ANO3: variants seen among roughly 807,000 people sequenced by gnomAD.
ANO3 encodes anoctamin-3.
In ANO3, 99 loss-of-function variants were observed where a neutral mutation model predicts 144.8. The observed-to-expected ratio is 0.68, with a 90% CI of 0.58 to 0.81. The LOEUF (loss-of-function observed/expected upper bound fraction) is 0.81. Among genes scored for constraint, ANO3 ranks in the 30% least tolerant of loss-of-function variants. The pLI is 0.00. For synonymous variants in ANO3, 414 were observed against 392.6 expected (o/e 1.05, Z -0.64); for missense variants, 905 against 1,202.2 (o/e 0.75, Z 3.66).
chr11:26,485,869 A>G (rs1860425498), intron 4 of ANO3, among the ~76,000 whole-genome samples: 1 of 152,184 alleles, frequency 6.6e-6, no homozygotes, highest in Non-Finnish European at 1.5e-5. Context: ...AAACTGAGAA[A>G]TTTCTGCACA....
chr11:26,313,369 A>G (rs1265468091), intron 1 of ANO3, among the ~76,000 whole-genome samples: 1 of 151,988 alleles, frequency 6.6e-6, no homozygotes, highest in Non-Finnish European at 1.5e-5. Context: ...AATTTCTTAG[A>G]GTCTCTTAAT....
chr11:26,559,976 C>A, intron 14 of ANO3, 197 bp downstream of exon 14: 1 of 445,226 alleles, frequency 2.2e-6, no homozygotes, highest in Non-Finnish European at 4.0e-6. Context: ...TTGATCTCAT[C>A]CTCTAATCTC....
intron 6 of ANO3, 113 bp downstream of exon 6, chr11:26,517,040 T>C (rs2134153293): frequency 1.9e-6 from 1 of 526,172 alleles, no homozygotes; most frequent in Non-Finnish European, 3.2e-6. Flanking sequence ...GCTTTTTCTT[T>C]CAAAATTTCA....
At chr11:26,350,461 T>G (rs1282397481) in intron 1 of ANO3, among the ~76,000 whole-genome samples, 1 of 152,230 alleles carries the variant, frequency 6.6e-6, no homozygotes, top group Non-Finnish European at 1.5e-5. Flanking sequence ...TTGAAAAACT[T>G]TGAAATTGTT....
At chr11:26,587,853 G>T (rs529103833) in intron 14 of ANO3, among the ~76,000 whole-genome samples, 61 of 151,574 alleles carry the variant, frequency 4.0e-4, no homozygotes, top group African/African-American at 1.5e-3. Flanking sequence ...CTACTCAGGA[G>T]GCTGAGGCAA....
chr11:26,236,426 C>T lies in ANO3; in HGVS notation c.154+47096C>T, dbSNP rs554046159. Among the ~76,000 whole-genome samples, 373 of 53,834 alleles carry T rather than the reference C, an allele frequency of 6.9e-3. 3 individuals carry two copies. The highest frequency in any genetic ancestry group is 0.014 in the African/African-American group (340 of 23,782). The allele number at this position is 53,834 out of a possible 152,430, so 35.3% of individuals were successfully genotyped here. ...GTGTTTTGTTTGCTTTTTTGGCCTC[C>T]AAACAGTTTGAAATAAAAGAATAAA... is the stretch of plus-strand genomic sequence containing the variant. On this transcript the variant is annotated intron_variant, in intron 1 of 27. Transcript: ENST00000672621.
At chr11:26,500,112 G>T (rs950336376) in intron 4 of ANO3, among the ~76,000 whole-genome samples, 9 of 152,050 alleles carry the variant, frequency 5.9e-5, no homozygotes, top group Admixed American at 3.9e-4. Context: ...TTTCAAAGTA[G>T]ACCTATGTTG....
intron 14 of ANO3, chr11:26,566,003 G>T: frequency 1.8e-6 from 2 of 1,115,220 alleles, no homozygotes; most frequent in Non-Finnish European, 2.4e-6. Flanking sequence ...ATATAGAGAT[G>T]GTAATATCAT....
At chr11:26,272,508 T>C (rs939802100) in intron 1 of ANO3, among the ~76,000 whole-genome samples, 3 of 152,180 alleles carry the variant, frequency 2.0e-5, no homozygotes, top group African/African-American at 4.8e-5. Flanking sequence ...GACTCTAATA[T>C]GATTCCAGAA....
chr11:26,338,609 T>G (rs1855259217), intron 1 of ANO3, among the ~76,000 whole-genome samples: 2 of 152,302 alleles, frequency 1.3e-5, no homozygotes, highest in Middle Eastern at 3.4e-3. Context: ...TGCTGCTCAG[T>G]CTTTGGGTCC....
At chr11:26,246,981 G>A (rs1446424985) in intron 1 of ANO3, among the ~76,000 whole-genome samples, 1 of 151,986 alleles carries the variant, frequency 6.6e-6, no homozygotes, top group African/African-American at 2.4e-5. Flanking sequence ...CATGAGAATG[G>A]ACTAAAACAA....
intron 1 of ANO3, among the ~76,000 whole-genome samples, chr11:26,339,435 G>A (rs1013674597): frequency 6.6e-6 from 1 of 152,136 alleles, no homozygotes; most frequent in East Asian, 1.9e-4. Flanking sequence ...AATTACAGGC[G>A]TGAACCACCG....
At chr11:26,197,450 GTGATTCTCC>G (rs1287528308) in intron 1 of ANO3, among the ~76,000 whole-genome samples, 1 of 152,102 alleles carries the variant, frequency 6.6e-6, no homozygotes, top group Non-Finnish European at 1.5e-5. Context: ...CCAGGTTCAA[GTGATTCTCC>G]TGCCTCAGCC....
Position 26,441,916 on chromosome 11 carries a change from A to G in ANO3, c.47-2A>G, listed in dbSNP as rs759239263. On this transcript the variant is annotated splice_acceptor_variant, in intron 1 of 26. Coordinates refer to ENST00000256737, the MANE Select transcript of ANO3 (RefSeq NM_031418.4). LOFTEE classifies it high-confidence loss of function. ...CTAAAACTCAACATTTTGGATTTGC[A>G]GGTATGAATATAAGCAAGAGTGAGA... 6.2e-7 allele frequency: 1 copy of G among 1,606,486 alleles called. No individual in the cohort carries two copies. The highest frequency in any genetic ancestry group is 8.5e-7 in the Non-Finnish European group (1 of 1,177,090).
At chr11:26,570,120 G>A (rs1213759506) in intron 14 of ANO3, among the ~76,000 whole-genome samples, 1 of 151,998 alleles carries the variant, frequency 6.6e-6, no homozygotes, top group African/African-American at 2.4e-5. Context: ...AAACTTTCCT[G>A]TATATATTAA....
intron 14 of ANO3, among the ~76,000 whole-genome samples, chr11:26,595,456 A>AT (rs1851581701): frequency 1.3e-5 from 1 of 78,038 alleles, no homozygotes; most frequent in Non-Finnish European, 2.3e-5. Context: ...ATTGAGATAG[A>AT]GTTGTTTTTT....
At chr11:26,422,062 T>C (rs72886205) in intron 1 of ANO3, among the ~76,000 whole-genome samples, 13,346 of 152,036 alleles carry the variant, frequency 0.088, 779 homozygotes, top group African/African-American at 0.17. Flanking sequence ...CAAGTTTACC[T>C]ATGTAACAAA....
chr11:26,565,390 T>A (rs753619469), intron 14 of ANO3: 5 of 1,613,134 alleles, frequency 3.1e-6, no homozygotes, highest in Non-Finnish European at 4.2e-6. Flanking sequence ...GTTTTCACGG[T>A]GTCATTGACC....
At chr11:26,350,492 C>G (rs117254958) in intron 1 of ANO3, among the ~76,000 whole-genome samples, 2 of 152,276 alleles carry the variant, frequency 1.3e-5, no homozygotes, top group East Asian at 3.9e-4. Flanking sequence ...ACTGTACCTG[C>G]AACAATTTGT....
Sources: gnomAD v4.1 joint callset for allele counts (sites outside exome capture counted in the v4.1 genomes callset) on GRCh38, gnomAD v4.1.1 for gene constraint, MANE v1.5 for transcripts, NCBI Gene and HGNC (gene_info 2026-07-23, HGNC 2026-07-21) for gene names.